PPP2R5A: variants seen among roughly 807,000 people sequenced by gnomAD.
PPP2R5A encodes protein phosphatase 2 regulatory subunit B'alpha, also known as serine/threonine-protein phosphatase 2A 56 kDa regulatory subunit alpha isoform.
A neutral mutation model predicts 64.2 loss-of-function variants in PPP2R5A; 25 were observed. The observed-to-expected ratio is 0.39, with a 90% CI of 0.28 to 0.54. PPP2R5A has a LOEUF of 0.54. PPP2R5A is among the 20% of genes least tolerant of loss of function. PPP2R5A has a pLI of 0.67. For synonymous variants in PPP2R5A, 198 were observed against 201.2 expected, an observed-to-expected ratio of 0.98 and a Z score of 0.13; for missense variants, 425 against 576.3, an observed-to-expected ratio of 0.74 and a Z score of 2.69.
intron 1 of PPP2R5A, among the ~76,000 whole-genome samples, chr1:212,327,755 AC>A (rs1659432423): frequency 6.6e-6 from 1 of 151,964 alleles, no homozygotes; most frequent in Non-Finnish European, 1.5e-5. Context: ...TGTATTAGAT[AC>A]TAGAAAGAGA....
At chr1:212,322,859 C>T (rs1222768336) in intron 1 of PPP2R5A, among the ~76,000 whole-genome samples, 1 of 152,070 alleles carries the variant, frequency 6.6e-6, no homozygotes, top group Non-Finnish European at 1.5e-5. Flanking sequence ...GATCTGGGCT[C>T]ACTGCAAGCT....
intron 3 of PPP2R5A, among the ~76,000 whole-genome samples, chr1:212,340,520 G>A (rs1045358876): frequency 3.9e-5 from 6 of 152,146 alleles, no homozygotes; most frequent in African/African-American, 1.4e-4. Flanking sequence ...TTTTCAGAGC[G>A]CTCTGTGATC....
chr1:212,358,667 TG>T lies in PPP2R5A; in HGVS notation c.1227-17del, dbSNP rs1212150729. ...TGTTAGCAGTATCATAACTCAGGAC[TG>T]GCTCATTTTCATTTCAGGACCATTG... On this transcript the variant is annotated intron_variant, in intron 11 of 12. Transcript: ENST00000261461. The T allele has an allele frequency of 2.5e-6, 4 of 1,570,534 alleles. No individual in the cohort carries two copies. Among genetic ancestry groups the T allele is most frequent in the Non-Finnish European group, 2.6e-6 (3 of 1,142,492 alleles).
At position 212,305,375 on chromosome 1, in the gene PPP2R5A, C is replaced by T. The variant is rs138218830; in HGVS notation, c.181+19084C>T. Among the ~76,000 whole-genome samples the T allele has an allele frequency of 1.7e-3, 254 of 152,088 alleles. 4 individuals are homozygous for T. The highest frequency in any genetic ancestry group is 5.7e-3 in the African/African-American group (238 of 41,488). ...ATTTCTAACTTCATTCCTTTGTGGT[C>T]AGAGAACATAGTTTGTATTTCTGTT... On this transcript the variant is annotated intron_variant, in intron 1 of 12. Transcript: ENST00000261461.
intron 1 of PPP2R5A, among the ~76,000 whole-genome samples, chr1:212,321,324 C>T (rs899988169): frequency 6.8e-6 from 1 of 147,622 alleles, no homozygotes; most frequent in Admixed American, 6.7e-5. Flanking sequence ...AGGGGCTGAC[C>T]CCCCCACCTC....
rs1056985 is a variant in PPP2R5A at position 212,361,690 on chromosome 1, T to G, written c.*920T>G. On this transcript the variant is annotated 3_prime_UTR_variant, in exon 13 of 13. Coordinates refer to ENST00000261461, the MANE Select transcript of PPP2R5A (RefSeq NM_006243.4). The stretch of plus-strand genomic sequence containing the variant: ...TCTGTAGAGCTCTGAAAAGGTTGAC[T>G]ATATAGAGGTCTTGTATGTTTTTAC... 23,681 of 152,692 alleles carry G rather than the reference T, an allele frequency of 0.16. 2,537 individuals carry two copies. Among genetic ancestry groups the G allele is most frequent in the East Asian group, 0.37 (1,912 of 5,184 alleles). 9.5% of individuals were successfully genotyped at this position (152,692 alleles called of 1,614,324 possible).
At position 212,320,328 on chromosome 1, in the gene PPP2R5A, G is replaced by C. The variant is rs1052452512; in HGVS notation, c.182-8807G>C. 6.6e-5 allele frequency among the ~76,000 whole-genome samples: 10 copies of C among 152,076 alleles called. No homozygotes were observed. The East Asian group carries it at 1.9e-3, about 29-fold the overall frequency. ...TTCTTAGTACAGAACAAAATCAAAA[G>C]TCTCCCATGTCTACCTCTTTCTACA... On this transcript the variant is annotated intron_variant, in intron 1 of 12. Coordinates refer to ENST00000261461, the MANE Select transcript of PPP2R5A (RefSeq NM_006243.4).
rs869112186 is a variant in PPP2R5A, at chr1:212,297,096, C to CTTTTTTTTTTTTTTTTTTTTTTTTTT, written c.181+10822_181+10847dup. Among the ~76,000 whole-genome samples, 3 of 82,644 alleles carry CTTTTTTTTTTTTTTTTTTTTTTTTTT rather than the reference C, an allele frequency of 3.6e-5. 1 individual carries two copies. Among genetic ancestry groups the CTTTTTTTTTTTTTTTTTTTTTTTTTT allele is most frequent in the South Asian group, 4.9e-4 (1 of 2,026 alleles). The allele number at this position is 82,644 out of a possible 152,430, so 54.2% of individuals were successfully genotyped here. ...TTTCTTTTCTTTTTCTTTGCTTCTT[C>CTTTTTTTTTTTTTTTTTTTTTTTTTT]TTTTTTTTTTTTTTTTTTTTTTTTT... On this transcript the variant is annotated intron_variant, in intron 1 of 12. Coordinates refer to ENST00000261461, the MANE Select transcript of PPP2R5A (RefSeq NM_006243.4).
intron 1 of PPP2R5A, among the ~76,000 whole-genome samples, chr1:212,311,042 G>A (rs752751144): frequency 6.6e-6 from 1 of 152,116 alleles, no homozygotes; most frequent in Non-Finnish European, 1.5e-5. Context: ...TATATAGGAT[G>A]GTGGTCCCAA....
intron 4 of PPP2R5A, among the ~76,000 whole-genome samples, chr1:212,343,688 T>A (rs959058182): frequency 6.6e-6 from 1 of 152,334 alleles, no homozygotes; most frequent in African/African-American, 2.4e-5. Context: ...AATGGAGTTA[T>A]GTTATTTTGG....
At chr1:212,360,085 C>A (rs766108192) in intron 12 of PPP2R5A, among the ~76,000 whole-genome samples, 1 of 152,066 alleles carries the variant, frequency 6.6e-6, no homozygotes, top group Admixed American at 6.6e-5. Context: ...TTAGTTGAAA[C>A]GACATATGAA....
chr1:212,326,047 A>C lies in PPP2R5A; in HGVS notation c.182-3088A>C, dbSNP rs916022736. On this transcript the variant is annotated intron_variant, in intron 1 of 12. Transcript: ENST00000261461. ...AGATACAACTGATTTTACAGAGAAG[A>C]AGCAGATTCTGCTTAGAATGACTAA... Among the ~76,000 whole-genome samples the C allele has an allele frequency of 4.6e-5, 7 of 152,334 alleles. 1 individual carries two copies. The highest frequency in any genetic ancestry group is 4.1e-4 in the South Asian group (2 of 4,826).
chr1:212,357,531 C>A (rs577098020), intron 11 of PPP2R5A: 2 of 230,116 alleles, frequency 8.7e-6, no homozygotes, highest in Non-Finnish European at 1.6e-5. Flanking sequence ...CAGCCGGGCG[C>A]GGTGGCTCAC....
intron 5 of PPP2R5A, 79 bp downstream of exon 5, chr1:212,346,012 G>GT (rs1303623769): frequency 6.5e-6 from 9 of 1,387,678 alleles, no homozygotes; most frequent in African/African-American, 3.0e-5. Flanking sequence ...ATTTTTATTT[G>GT]TTTTTTTGAG....
At chr1:212,350,146 C>T (rs760018298) in intron 8 of PPP2R5A, among the ~76,000 whole-genome samples, 2 of 152,042 alleles carry the variant, frequency 1.3e-5, no homozygotes, top group Admixed American at 6.6e-5. Context: ...TCAGGCTATC[C>T]GTAGGGATGC....
chr1:212,347,826 G>A (rs189324448), intron 6 of PPP2R5A, among the ~76,000 whole-genome samples: 6 of 152,312 alleles, frequency 3.9e-5, no homozygotes, highest in Middle Eastern at 3.4e-3. Flanking sequence ...GATTACAGGC[G>A]TGAGCCACCA....
intron 1 of PPP2R5A, among the ~76,000 whole-genome samples, chr1:212,311,113 C>G (rs565622312): frequency 1.7e-4 from 26 of 152,196 alleles, no homozygotes; most frequent in Non-Finnish European, 2.8e-4. Flanking sequence ...GTTCATAGAA[C>G]AAGGCATGAC....
chr1:212,300,344 G>A (rs1422325175), intron 1 of PPP2R5A, among the ~76,000 whole-genome samples: 8 of 152,102 alleles, frequency 5.3e-5, no homozygotes, highest in Non-Finnish European at 7.4e-5. Context: ...TACAATACTT[G>A]CTGTGAGTCA....
intron 1 of PPP2R5A, among the ~76,000 whole-genome samples, chr1:212,325,829 G>A (rs1429489457): frequency 6.6e-6 from 1 of 152,116 alleles, no homozygotes; most frequent in Admixed American, 6.5e-5. Flanking sequence ...ATCTCGTTTA[G>A]TGTGTAGTAC....
Sources: allele counts gnomAD v4.1 joint callset (sites outside exome capture counted in the v4.1 genomes callset), GRCh38; gene constraint gnomAD v4.1.1; transcripts MANE v1.5; gene names NCBI Gene and HGNC (gene_info 2026-07-23, HGNC 2026-07-21).